Variants in OCA2 observed in about 807,000 individuals in gnomAD.
OCA2 encodes P protein.
In OCA2, 77 loss-of-function variants were observed where a neutral mutation model predicts 100.2. The ratio of observed to expected loss-of-function variants is 0.77; its 90% CI spans 0.64 to 0.93. OCA2 has a LOEUF of 0.93. Among genes scored for constraint, OCA2 ranks in the 40% least tolerant of loss-of-function variants. The pLI is 0.00. For missense variants in OCA2, 1,062 were observed against 1,089.1 expected, an observed-to-expected ratio of 0.98 and a Z score of 0.35; for synonymous variants, 432 against 439.2, an observed-to-expected ratio of 0.98 and a Z score of 0.21.
chr15:27,905,389 G>GCT (rs2038136989), intron 19 of OCA2, among the ~76,000 whole-genome samples: 1 of 152,178 alleles, frequency 6.6e-6, no homozygotes, highest in Non-Finnish European at 1.5e-5. Context: ...CCCCCAGCCT[G>GCT]CTCTCTCTCT....
intron 23 of OCA2, among the ~76,000 whole-genome samples, chr15:27,812,920 C>CCGT (rs1466791102): frequency 6.6e-6 from 1 of 152,150 alleles, no homozygotes; most frequent in Non-Finnish European, 1.5e-5. Flanking sequence ...CCATCACAGA[C>CCGT]CTCCTTTCCT....
At chr15:27,798,203 G>A (rs915953652) in intron 23 of OCA2, among the ~76,000 whole-genome samples, 2 of 152,204 alleles carry the variant, frequency 1.3e-5, no homozygotes, top group African/African-American at 2.4e-5. Flanking sequence ...TGGAGGAAGA[G>A]GAAGGGCCAG....
chr15:28,092,045 A>C (rs865922081), intron 1 of OCA2, among the ~76,000 whole-genome samples: 4 of 151,736 alleles, frequency 2.6e-5, no homozygotes, highest in Admixed American at 1.3e-4. Flanking sequence ...GACAATAAAA[A>C]TGAATGGTGT....
chr15:27,743,076 C>T, the OCA2 span, among the ~76,000 whole-genome samples: 7 of 152,342 alleles, frequency 4.6e-5, no homozygotes, highest in Admixed American at 2.0e-4. Flanking sequence ...GATCCTGCTG[C>T]TTCTCTGCAT....
intron 2 of OCA2, among the ~76,000 whole-genome samples, chr15:28,075,580 C>T (rs2044404476): frequency 6.6e-6 from 1 of 152,114 alleles, no homozygotes; most frequent in Non-Finnish European, 1.5e-5. Context: ...GGCATTTATC[C>T]AAGGGAAATT....
rs959707612 is a variant in OCA2 at position 27,947,195 on chromosome 15, T to C, written c.1951+4589A>G. Reference sequence around the variant, plus strand: ...ATGTGTTTGCCTTTTCTCCTATTACTCTGCCTTCTGTGAGTTGGTTTTTCA... The same window carrying C: ...ATGTGTTTGCCTTTTCTCCTATTACCCTGCCTTCTGTGAGTTGGTTTTTCA... On this transcript the variant is annotated intron_variant, in intron 18 of 23. Coordinates refer to ENST00000354638, the MANE Select transcript of OCA2 (RefSeq NM_000275.3). 1.3e-5 allele frequency among the ~76,000 whole-genome samples: 2 copies of C among 152,240 alleles called. 1 individual carries two copies. Among genetic ancestry groups the C allele is most frequent in the East Asian group, 3.8e-4 (2 of 5,198 alleles).
At chr15:27,814,951 GAT>G (rs71414518) in intron 23 of OCA2, among the ~76,000 whole-genome samples, 2 of 148,738 alleles carry the variant, frequency 1.3e-5, no homozygotes, top group Admixed American at 1.3e-4. Context: ...TAGATACAGA[GAT>G]ATATATATAT....
At chr15:28,003,898 G>A (rs1370097173) in intron 9 of OCA2, among the ~76,000 whole-genome samples, 2 of 152,228 alleles carry the variant, frequency 1.3e-5, no homozygotes, top group Admixed American at 6.5e-5. Context: ...TCCGGCCTAC[G>A]CCCCGAGCGG....
chr15:27,795,579 A>G (rs1428120176), intron 23 of OCA2, among the ~76,000 whole-genome samples: 3 of 152,220 alleles, frequency 2.0e-5, no homozygotes, highest in Non-Finnish European at 4.4e-5. Flanking sequence ...TCCGCCACAG[A>G]CCAGCATCAG....
chr15:27,944,623 C>G (rs1379323461), intron 18 of OCA2, among the ~76,000 whole-genome samples: 1 of 152,140 alleles, frequency 6.6e-6, no homozygotes, highest in Non-Finnish European at 1.5e-5. Flanking sequence ...TGGCCAGCTG[C>G]TCCTGTGGCT....
chr15:27,808,979 C>A (rs1306123844), intron 23 of OCA2, among the ~76,000 whole-genome samples: 2 of 152,166 alleles, frequency 1.3e-5, no homozygotes, highest in East Asian at 3.9e-4. Context: ...TTCCTTCTGT[C>A]CTTTGACATG....
chr15:27,947,573 A>C (rs1285045261), intron 18 of OCA2, among the ~76,000 whole-genome samples: 1 of 152,166 alleles, frequency 6.6e-6, no homozygotes, highest in Admixed American at 6.5e-5. Flanking sequence ...CATGCCCCTG[A>C]TGCCTTCTCT....
chr15:27,754,300 C>G (rs1039525265), downstream of OCA2, among the ~76,000 whole-genome samples: 4 of 152,178 alleles, frequency 2.6e-5, no homozygotes, highest in Admixed American at 6.5e-5. Context: ...CCTGAGGGCA[C>G]CTGTGACAGA....
chr15:27,773,292 A>C (rs1167396317), intron 23 of OCA2, among the ~76,000 whole-genome samples: 2 of 152,140 alleles, frequency 1.3e-5, no homozygotes, highest in Middle Eastern at 6.3e-3. Flanking sequence ...CCAAAAAATA[A>C]TGAGAATAAA....
In OCA2 at chr15:28,061,522, C is replaced by T. The variant is rs115779517; in HGVS notation, c.227+20126G>A. 4.9e-3 allele frequency among the ~76,000 whole-genome samples: 751 copies of T among 152,134 alleles called. 4 individuals are homozygous for T. Among genetic ancestry groups the T allele is most frequent in the African/African-American group, 0.017 (711 of 41,508 alleles). On this transcript the variant is annotated intron_variant, in intron 2 of 23. Transcript: ENST00000354638. ...ATACACATGCAAAGACATGTATGGT[C>T]CATACACAAGAAAAAAAAATGGTAA...
chr15:27,913,271 T>C (rs562747670), intron 19 of OCA2, among the ~76,000 whole-genome samples: 1 of 152,220 alleles, frequency 6.6e-6, no homozygotes, highest in South Asian at 2.1e-4. Flanking sequence ...GGAAGTTGGG[T>C]GATGGGTAAA....
intron 2 of OCA2, among the ~76,000 whole-genome samples, chr15:28,048,392 CT>C (rs1454173163): frequency 6.6e-6 from 1 of 152,202 alleles, no homozygotes; most frequent in Non-Finnish European, 1.5e-5. Flanking sequence ...ACTCATACAT[CT>C]TATGGCCAAC....
the OCA2 span, among the ~76,000 whole-genome samples, chr15:27,738,066 G>C: frequency 2.0e-5 from 3 of 152,176 alleles, no homozygotes; most frequent in Middle Eastern, 3.4e-3. Context: ...TCTACTGGTG[G>C]GAGTATAAAG....
intron 18 of OCA2, among the ~76,000 whole-genome samples, chr15:27,937,737 G>A (rs149388701): frequency 3.2e-4 from 49 of 152,170 alleles, no homozygotes; most frequent in Middle Eastern, 3.4e-3. Context: ...TTAAGATTCC[G>A]TCCATTTTTC....
Sources: gnomAD v4.1 joint callset for allele counts (sites outside exome capture counted in the v4.1 genomes callset) on GRCh38, gnomAD v4.1.1 for gene constraint, MANE v1.5 for transcripts, NCBI Gene and HGNC (gene_info 2026-07-23, HGNC 2026-07-21) for gene names.